TLN2: variants seen among roughly 807,000 people sequenced by gnomAD.
The protein encoded by TLN2 is talin 2, also known as talin-2.
In TLN2, 118 loss-of-function variants were observed where a neutral mutation model predicts 294.7. The ratio of observed to expected loss-of-function variants is 0.40; its 90% CI spans 0.34 to 0.47. TLN2 has a LOEUF of 0.47. Among genes scored for constraint, TLN2 ranks in the 20% least tolerant of loss-of-function variants. The pLI is 0.84. For synonymous variants in TLN2, 1,431 were observed against 1,304.5 expected (o/e 1.10, Z -2.09); for missense variants, 3,083 against 3,282.2 (o/e 0.94, Z 1.48).
chr15:62,397,073 G>C (rs1188520064), intron 1 of TLN2, among the ~76,000 whole-genome samples: 1 of 152,110 alleles, frequency 6.6e-6, no homozygotes, highest in Non-Finnish European at 1.5e-5. Flanking sequence ...CCCAGAGAGG[G>C]CTGGGTTGGT....
At chr15:62,678,061 C>G (rs982228421) in intron 11 of TLN2, among the ~76,000 whole-genome samples, 6 of 152,140 alleles carry the variant, frequency 3.9e-5, no homozygotes, top group Admixed American at 3.3e-4. Flanking sequence ...TCCCAAAGTG[C>G]TGGGATTACA....
chr15:62,833,388 G>C, intron 54 of TLN2, 116 bp from the exon 55 acceptor site: 4 of 1,456,342 alleles, frequency 2.7e-6, no homozygotes, highest in Non-Finnish European at 3.7e-6. Context: ...GGTGTGGTTT[G>C]TCAACAAAAA....
At chr15:62,754,127 C>A in intron 36 of TLN2, 1 of 578,166 alleles carries the variant, frequency 1.7e-6, no homozygotes, top group Non-Finnish European at 2.7e-6. Context: ...AAATGGGGTG[C>A]CAGAAGGCAA....
At chr15:62,789,020 G>C (rs570573824) in intron 45 of TLN2, among the ~76,000 whole-genome samples, 1 of 152,152 alleles carries the variant, frequency 6.6e-6, no homozygotes, top group African/African-American at 2.4e-5. Flanking sequence ...TGCCCAAAGG[G>C]GTGAAACATT....
intron 1 of TLN2, among the ~76,000 whole-genome samples, chr15:62,395,653 G>T (rs955385840): frequency 6.6e-6 from 1 of 152,048 alleles, no homozygotes; most frequent in Admixed American, 6.6e-5. Flanking sequence ...TCTGTTGTAG[G>T]ATTTTTTTCA....
At chr15:62,824,120 G>A (rs1461594981) in intron 54 of TLN2, 1 of 392,004 alleles carries the variant, frequency 2.6e-6, no homozygotes, top group East Asian at 7.7e-5. Context: ...TTTAGAAGAT[G>A]GAGCACTCAT....
At chr15:62,492,742 A>G (rs1280486657) in intron 1 of TLN2, among the ~76,000 whole-genome samples, 2 of 152,132 alleles carry the variant, frequency 1.3e-5, no homozygotes, top group Non-Finnish European at 2.9e-5. Context: ...GTAAGTTTTT[A>G]TTTCCCATTC....
chr15:62,794,026 T>C (rs1478646165), intron 46 of TLN2, among the ~76,000 whole-genome samples: 1 of 151,998 alleles, frequency 6.6e-6, no homozygotes, highest in Non-Finnish European at 1.5e-5. Context: ...GGCATTTGCC[T>C]TCCTTTCAAA....
chr15:62,439,979 G>A (rs1465791548), intron 1 of TLN2, among the ~76,000 whole-genome samples: 2 of 152,194 alleles, frequency 1.3e-5, no homozygotes, highest in East Asian at 3.9e-4. Flanking sequence ...ACCATGCAAG[G>A]CAGGACTCCC....
Position 62,740,676 on chromosome 15 carries a change from C to T in TLN2, c.3932C>T (p.Ser1311Leu), listed in dbSNP as rs868248184. The change falls in exon 32 of 59, where the codon TCG becomes TTG. Residue 1311 changes from serine to leucine, a missense_variant. By Grantham distance (145) the Ser-to-Leu change is moderately radical (BLOSUM62 -2). Coordinates refer to ENST00000636159, the MANE Select transcript of TLN2 (RefSeq NM_015059.3). ...GTGATAGGGAACCTCAAGAATATCT[C>T]GATGGCATCCAGCAAGCTGCTGTTA... ...IQVIGNLKNI[S>L]MASSKLLLAA... 6.2e-7 allele frequency: 1 copy of T among 1,614,194 alleles called. No homozygotes were observed. Among genetic ancestry groups the T allele is most frequent in the Non-Finnish European group, 8.5e-7 (1 of 1,180,038 alleles).
intron 3 of TLN2, among the ~76,000 whole-genome samples, chr15:62,619,785 C>T (rs1470648046): frequency 1.3e-5 from 2 of 152,176 alleles, no homozygotes; most frequent in East Asian, 3.9e-4. Flanking sequence ...CGTGTTCCCA[C>T]TGAAACCTGG....
chr15:62,465,356 G>T (rs1430606285), intron 1 of TLN2, among the ~76,000 whole-genome samples: 1 of 152,044 alleles, frequency 6.6e-6, no homozygotes, highest in African/African-American at 2.4e-5. Flanking sequence ...GTGCGGCTGG[G>T]GAAGTGGTTC....
At chr15:62,726,526 A>G (rs1439476444) in intron 27 of TLN2, among the ~76,000 whole-genome samples, 2 of 152,200 alleles carry the variant, frequency 1.3e-5, no homozygotes, top group African/African-American at 2.4e-5. Context: ...GCCCATTTTC[A>G]TAATCTCATT....
chr15:62,688,149 TA>T (rs910878887), intron 12 of TLN2, among the ~76,000 whole-genome samples: 16 of 152,236 alleles, frequency 1.1e-4, no homozygotes, highest in African/African-American at 3.1e-4. Context: ...AAAATTTATT[TA>T]AAAAATGAAT....
intron 13 of TLN2, among the ~76,000 whole-genome samples, chr15:62,693,985 T>G (rs1285272691): frequency 2.4e-5 from 2 of 81,832 alleles, no homozygotes; most frequent in African/African-American, 9.4e-5. Context: ...TTTTTTTTTT[T>G]TGAGACAGAG....
rs564624401 is a variant in TLN2 at position 62,628,513 on chromosome 15, A to G, written c.-37+10038A>G. 9.2e-5 allele frequency among the ~76,000 whole-genome samples: 14 copies of G among 152,376 alleles called. No individual in the cohort carries two copies. The South Asian group carries it at 2.9e-3, about 32-fold the overall frequency. On this transcript the variant is annotated intron_variant, in intron 3 of 58. Transcript: ENST00000636159. ...ACATGTATGAATTACAGTAGAGATT[A>G]TATGCTTTTTCTAAGCCCATGCTAA... is the stretch of plus-strand genomic sequence containing the variant.
Position 62,571,936 on chromosome 15 carries a change from G to T in TLN2, c.-237-17751G>T, listed in dbSNP as rs764079497. On this transcript the variant is annotated intron_variant, in intron 1 of 58. Transcript: ENST00000636159. ...CATATCTTGTGGTCTATCCTGTAAG[G>T]CCTCTTCATGTAATCAAAATCCTCA... 5.8e-4 allele frequency among the ~76,000 whole-genome samples: 88 copies of T among 152,126 alleles called. 1 individual carries two copies. The highest frequency in any genetic ancestry group is 1.8e-4 in the Non-Finnish European group (12 of 68,026).
At position 62,479,049 on chromosome 15, in the gene TLN2, T is replaced by C. The variant is rs79133336; in HGVS notation, c.-238+88364T>C. Among the ~76,000 whole-genome samples, 382 of 152,334 alleles carry C rather than the reference T, an allele frequency of 2.5e-3. 2 individuals are homozygous for C. The highest frequency in any genetic ancestry group is 8.8e-3 in the African/African-American group (367 of 41,572). On this transcript the variant is annotated intron_variant, in intron 1 of 58. Transcript: ENST00000636159. ...CTAAATCCATGCGTATAACCCCTTCTGGAATGCTGGGATGTCCATCTAGTG... is the reference window on the plus strand; with the variant it reads ...CTAAATCCATGCGTATAACCCCTTCCGGAATGCTGGGATGTCCATCTAGTG...
At chr15:62,431,512 A>C (rs1292504640) in intron 1 of TLN2, among the ~76,000 whole-genome samples, 1 of 152,242 alleles carries the variant, frequency 6.6e-6, no homozygotes, top group Non-Finnish European at 1.5e-5. Context: ...GTAACGGTAA[A>C]TGTGACCATA....
Sources: gnomAD v4.1 joint callset for allele counts (sites outside exome capture counted in the v4.1 genomes callset) on GRCh38, gnomAD v4.1.1 for gene constraint, MANE v1.5 for transcripts, NCBI Gene and HGNC (gene_info 2026-07-23, HGNC 2026-07-21) for gene names.